Variants in SEPTIN9 observed in about 807,000 individuals in gnomAD.
SEPTIN9 encodes septin 9.
SEPTIN9 carries 13 observed loss-of-function variants against 56.6 expected under a neutral mutation model. The ratio of observed to expected loss-of-function variants is 0.23; its 90% CI spans 0.15 to 0.37. The LOEUF is 0.37. Among genes scored for constraint, SEPTIN9 ranks in the 10% least tolerant of loss-of-function variants. The probability of loss-of-function intolerance (pLI) is 1.00; values close to 1 mark genes in which losing one functional copy is unlikely to be tolerated. For synonymous variants in SEPTIN9, 332 were observed against 334.1 expected (o/e 0.99, Z 0.07); for missense variants, 650 against 823.1 (o/e 0.79, Z 2.57).
intron 3 of SEPTIN9, among the ~76,000 whole-genome samples, chr17:77,467,796 C>G (rs1406584931): frequency 6.6e-6 from 1 of 152,200 alleles, no homozygotes; most frequent in African/African-American, 2.4e-5. Flanking sequence ...GTGGCTGCCC[C>G]CATGCTGGTC....
chr17:77,331,099 A>G (rs1192611626), intron 2 of SEPTIN9, among the ~76,000 whole-genome samples: 1 of 152,240 alleles, frequency 6.6e-6, no homozygotes, highest in Non-Finnish European at 1.5e-5. Context: ...TCACACCTGC[A>G]ATCCCAGAAC....
rs2036859648 is a variant in SEPTIN9, at chr17:77,425,237, G to A, written c.721+22534G>A. ...GCTGGGGACTGAGAGTGCCGGAGGA[G>A]GGCCTCCCAGGAAAACCCAGCTGCA... On this transcript the variant is annotated intron_variant, in intron 3 of 11. Coordinates refer to ENST00000427177, the MANE Select transcript of SEPTIN9 (RefSeq NM_001113491.2). This position sits in a 1 kb window ranked among gnomAD's most constrained non-coding sequence, Gnocchi z 4.2. Among the ~76,000 whole-genome samples, 1 of 152,170 alleles carries A rather than the reference G, an allele frequency of 6.6e-6. No individual in the cohort carries two copies. Among genetic ancestry groups the A allele is most frequent in the African/African-American group, 2.4e-5 (1 of 41,444 alleles).
intron 5 of SEPTIN9, 90 bp from the exon 6 acceptor site, chr17:77,488,150 A>C (rs2039874197): frequency 7.5e-6 from 9 of 1,194,314 alleles, no homozygotes; most frequent in African/African-American, 1.5e-5. Flanking sequence ...ATCGCTGCCT[A>C]CCTGGGGTTG....
intron 2 of SEPTIN9, among the ~76,000 whole-genome samples, chr17:77,309,026 C>T (rs563306701): frequency 1.0e-4 from 16 of 152,384 alleles, no homozygotes; most frequent in Admixed American, 9.8e-4. Context: ...CTGGACAGCC[C>T]AGCCGCTGCT....
Position 77,425,271 on chromosome 17 carries a change from C to T in SEPTIN9, c.721+22568C>T, listed in dbSNP as rs968488586. ...AGGAAAACCCAGCTGCACAGGAAGC[C>T]GGGCCAGCGGCCTCCGGAAGCCTCT... is the stretch of plus-strand genomic sequence containing the variant. On this transcript the variant is annotated intron_variant, in intron 3 of 11. Coordinates refer to ENST00000427177, the MANE Select transcript of SEPTIN9 (RefSeq NM_001113491.2). This position sits in a 1 kb window ranked among gnomAD's most constrained non-coding sequence, Gnocchi z 4.2. 1.3e-5 allele frequency among the ~76,000 whole-genome samples: 2 copies of T among 152,280 alleles called. No homozygotes were observed. The highest frequency in any genetic ancestry group is 1.9e-4 in the East Asian group (1 of 5,170).
chr17:77,283,756 G>A (rs2031144996), intron 1 of SEPTIN9, among the ~76,000 whole-genome samples: 1 of 152,192 alleles, frequency 6.6e-6, no homozygotes, highest in Non-Finnish European at 1.5e-5. Flanking sequence ...ATTTTAGAAG[G>A]ATGTGTTGGG....
chr17:77,383,587 G>A (rs920249067), intron 2 of SEPTIN9, among the ~76,000 whole-genome samples: 29 of 152,336 alleles, frequency 1.9e-4, no homozygotes, highest in African/African-American at 6.5e-4. Flanking sequence ...GGGGTCTGAC[G>A]GGGGCTGCCT....
rs774035767 is a variant in SEPTIN9, at chr17:77,317,834, C to T, written c.76+10637C>T. 2.6e-5 allele frequency among the ~76,000 whole-genome samples: 4 copies of T among 151,994 alleles called. No homozygotes were observed. The highest frequency in any genetic ancestry group is 7.2e-5 in the African/African-American group (3 of 41,384). ...TTGGGAGGCCAAGGCTGGCGGATCA[C>T]GAGGTCAGGAGTTCAAGATCAGCCT... On this transcript the variant is annotated intron_variant, in intron 2 of 11. Coordinates refer to ENST00000427177, the MANE Select transcript of SEPTIN9 (RefSeq NM_001113491.2). This position sits in a 1 kb window ranked among gnomAD's most constrained non-coding sequence, Gnocchi z 4.2.
intron 2 of SEPTIN9, among the ~76,000 whole-genome samples, chr17:77,341,048 C>T (rs2033709476): frequency 6.6e-6 from 1 of 152,210 alleles, no homozygotes; most frequent in Non-Finnish European, 1.5e-5. Flanking sequence ...TTCTTCATAT[C>T]AGCATTAAGG....
intron 3 of SEPTIN9, among the ~76,000 whole-genome samples, chr17:77,418,895 G>C (rs1415640025): frequency 6.6e-6 from 1 of 152,144 alleles, no homozygotes; most frequent in Non-Finnish European, 1.5e-5. Flanking sequence ...GGAAGCCACA[G>C]CCAGGAGGCA....
rs180743080 is a variant in SEPTIN9, at chr17:77,330,217, G to A, written c.76+23020G>A. 2.0e-5 allele frequency among the ~76,000 whole-genome samples: 3 copies of A among 152,226 alleles called. No individual in the cohort carries two copies. The highest frequency in any genetic ancestry group is 7.2e-5 in the African/African-American group (3 of 41,462). The stretch of plus-strand genomic sequence containing the variant: ...CGTGGGTGAGAGAGGGCTTCGGGGG[G>A]ACTTCCCCCTCTTGGAGCACCTGCT... On this transcript the variant is annotated intron_variant, in intron 2 of 11. Transcript: ENST00000427177. This position sits in a 1 kb window ranked among gnomAD's most constrained non-coding sequence, Gnocchi z 4.4.
In SEPTIN9 at chr17:77,326,267, G is replaced by T. The variant is rs940169839; in HGVS notation, c.76+19070G>T. On this transcript the variant is annotated intron_variant, in intron 2 of 11. Coordinates refer to ENST00000427177, the MANE Select transcript of SEPTIN9 (RefSeq NM_001113491.2). This position sits in a 1 kb window ranked among gnomAD's most constrained non-coding sequence, Gnocchi z 5.1. ...CCTGTGGACTTGGCGCTGGGGTCCC[G>T]TGGAGGACAAAGCCAGACACAGTCC... 6.6e-6 allele frequency among the ~76,000 whole-genome samples: 1 copy of T among 152,194 alleles called. No individual in the cohort carries two copies.
rs1462747945 is a variant in SEPTIN9 at position 77,317,337 on chromosome 17, C to T, written c.76+10140C>T. 6.6e-6 allele frequency among the ~76,000 whole-genome samples: 1 copy of T among 152,216 alleles called. No individual in the cohort carries two copies. The highest frequency in any genetic ancestry group is 1.5e-5 in the Non-Finnish European group (1 of 68,042). ...GTGTGTCCTATTAGGAACTGGCCTG[C>T]ACAGCAGGAGGTGAGTGACTGGCAA... On this transcript the variant is annotated intron_variant, in intron 2 of 11. Coordinates refer to ENST00000427177, the MANE Select transcript of SEPTIN9 (RefSeq NM_001113491.2). This position sits in a 1 kb window ranked among gnomAD's most constrained non-coding sequence, Gnocchi z 4.2.
chr17:77,412,957 C>T (rs1355398511), intron 3 of SEPTIN9, among the ~76,000 whole-genome samples: 4 of 152,090 alleles, frequency 2.6e-5, no homozygotes, highest in African/African-American at 7.2e-5. Context: ...TCTTCTAGTA[C>T]TTCTGTGGTT....
intron 3 of SEPTIN9, among the ~76,000 whole-genome samples, chr17:77,416,252 T>G (rs11650011): frequency 1.3e-5 from 2 of 151,890 alleles, no homozygotes; most frequent in African/African-American, 4.8e-5. Flanking sequence ...GAATTTGGCT[T>G]TGGACCTGCA....
At chr17:77,287,945 G>A (rs1320903484) in intron 1 of SEPTIN9, 8 of 1,048,266 alleles carry the variant, frequency 7.6e-6, no homozygotes, top group African/African-American at 1.7e-5. Flanking sequence ...AACTCAAGTC[G>A]CTGGTCATCC....
intron 1 of SEPTIN9, among the ~76,000 whole-genome samples, chr17:77,282,234 G>A (rs548571535): frequency 3.2e-4 from 49 of 152,292 alleles, no homozygotes; most frequent in African/African-American, 1.2e-3. Flanking sequence ...TTTCACAGAT[G>A]GGCACACCGA....
intron 3 of SEPTIN9, among the ~76,000 whole-genome samples, chr17:77,448,915 C>T (rs2037860127): frequency 6.6e-6 from 1 of 152,052 alleles, no homozygotes; most frequent in Non-Finnish European, 1.5e-5. Flanking sequence ...TCCCAAGTAG[C>T]TGGGATTACA....
intron 3 of SEPTIN9, among the ~76,000 whole-genome samples, chr17:77,416,890 C>T (rs1220424433): frequency 6.6e-6 from 1 of 152,232 alleles, no homozygotes; most frequent in Non-Finnish European, 1.5e-5. Context: ...TCCATGTGCT[C>T]CCATAAGCCA....
Sources: allele counts gnomAD v4.1 joint callset (sites outside exome capture counted in the v4.1 genomes callset), GRCh38; gene constraint gnomAD v4.1.1; non-coding constraint Gnocchi (gnomAD v3.1); transcripts MANE v1.5; gene names NCBI Gene and HGNC (gene_info 2026-07-23, HGNC 2026-07-21).